Variants in CPD observed in about 807,000 individuals in gnomAD.
The protein encoded by CPD is carboxypeptidase D, also known as metallocarboxypeptidase D.
CPD carries 69 observed loss-of-function variants against 138.3 expected under a neutral mutation model. The ratio of observed to expected loss-of-function variants is 0.50; its 90% confidence interval spans 0.41 to 0.61. The LOEUF (loss-of-function observed/expected upper bound fraction) is 0.61, where lower values mean the gene tolerates loss of function less well. CPD is among the 20% of genes least tolerant of loss of function. CPD has a pLI of 0.00. For synonymous variants in CPD, 651 were observed against 642.1 expected (o/e 1.01, Z -0.21); for missense variants, 1,432 against 1,733.3 (o/e 0.83, Z 3.09).
At chr17:30,452,204 A>T (rs1349190148) in intron 14 of CPD, among the ~76,000 whole-genome samples, 6 of 152,146 alleles carry the variant, frequency 3.9e-5, no homozygotes, top group Non-Finnish European at 8.8e-5. Flanking sequence ...TTATTTACTT[A>T]AATGGGACCT....
chr17:30,452,037 T>G (rs566659999), intron 14 of CPD, among the ~76,000 whole-genome samples, 191 bp downstream of exon 14: 43 of 152,362 alleles, frequency 2.8e-4, no homozygotes, highest in African/African-American at 1.0e-3. Flanking sequence ...CAAAAATAAT[T>G]TAAGTTTTTC....
At chr17:30,443,064 AG>A (rs1912922942) in intron 10 of CPD, among the ~76,000 whole-genome samples, 1 of 152,106 alleles carries the variant, frequency 6.6e-6, no homozygotes, top group Non-Finnish European at 1.5e-5. Flanking sequence ...TATACAGAAA[AG>A]TTATGACTAG....
At chr17:30,431,352 G>A (rs141791992) in intron 7 of CPD, among the ~76,000 whole-genome samples, 1,904 of 152,132 alleles carry the variant, frequency 0.013, 35 homozygotes, top group African/African-American at 0.044. Context: ...TTTAAATACT[G>A]GACACTGGAC....
rs148211517 is a variant in CPD, at chr17:30,423,837, G to C, written c.1849+140G>C. On this transcript the variant is annotated intron_variant, in intron 6 of 20. Transcript: ENST00000225719. ...TAATTTATGATTGATTTTAGCTCTT[G>C]TATTCTTATATGATGATCTGGTCTG... The C allele has an allele frequency of 1.5e-5, 9 of 611,004 alleles. No homozygotes were observed. In the South Asian group the frequency reaches 1.5e-4, roughly 10 times the overall value. 37.8% of individuals were successfully genotyped at this position (611,004 alleles called of 1,614,324 possible).
intron 1 of CPD, 99 bp from the exon 2 acceptor site, chr17:30,384,890 A>G (rs933437253): frequency 3.1e-6 from 4 of 1,310,994 alleles, no homozygotes; most frequent in Non-Finnish European, 4.2e-6. Context: ...TCCAAGAGAG[A>G]TATTGGAGTT....
rs184796687 is a variant in CPD, at chr17:30,459,491, C to A, written c.3499-1689C>A. Among the ~76,000 whole-genome samples, 36 of 151,418 alleles carry A rather than the reference C, an allele frequency of 2.4e-4. No homozygotes were observed. The South Asian group carries it at 7.5e-3, about 32-fold the overall frequency. On this transcript the variant is annotated intron_variant, in intron 17 of 20. Transcript: ENST00000225719. ...TGCGGTGTTTGGTTTTTTGTCCTTGCGATAGTTTGCTGAGAATGATGGTTT... is the reference window on the plus strand; with the variant it reads ...TGCGGTGTTTGGTTTTTTGTCCTTGAGATAGTTTGCTGAGAATGATGGTTT...
Position 30,420,936 on chromosome 17 carries a change from C to T in CPD, c.1090C>T (p.Gln364Ter), listed in dbSNP as rs771613343. ...GTACCCACCTGCTTCACAGCTTCGA[C>T]AGGAATGGGAGAACAATCGTGAGTC... ...CKYPPASQLR[Q>*]EWENNRESLI... The change falls in exon 3 of 21, where the codon CAG becomes TAG. Residue 364 changes from glutamine to a stop codon, truncating the protein, a stop_gained. Transcript: ENST00000225719. LOFTEE classifies it high-confidence loss of function. 6.2e-7 allele frequency: 1 copy of T among 1,613,666 alleles called. No individual in the cohort carries two copies. The highest frequency in any genetic ancestry group is 8.5e-7 in the Non-Finnish European group (1 of 1,179,816).
Position 30,378,932 on chromosome 17 carries a change from G to C in CPD, c.-49G>C, listed in dbSNP as rs1302287505. ...GGATCCGGCGGGCCCCCGCCGCCCG[G>C]AGCGCTGAGCCGCGGGAGCGGAGCC... On this transcript the variant is annotated 5_prime_UTR_variant, in exon 1 of 21. Transcript: ENST00000225719. The C allele has an allele frequency of 7.1e-7, 1 of 1,406,394 alleles. No homozygotes were observed. The highest frequency in any genetic ancestry group is 9.1e-7 in the Non-Finnish European group (1 of 1,093,364). 87.1% of individuals were successfully genotyped at this position (1,406,394 alleles called of 1,614,324 possible). A position where few individuals can be genotyped will look rare whatever the true frequency, so the allele number is the denominator to read the frequency against.
intron 8 of CPD, among the ~76,000 whole-genome samples, chr17:30,435,677 C>CA (rs766604786): frequency 1.9e-4 from 28 of 150,456 alleles, no homozygotes; most frequent in African/African-American, 2.9e-4. Context: ...TTCTTTACTG[C>CA]AAAAAAAAAC....
Position 30,464,884 on chromosome 17 carries a change from C to A in CPD, c.*70C>A. ...TACAGTTCCTCTTGGGAGAACACTG[C>A]ATTAAGAAGAGAGACTCTCTTGCTT... is the stretch of plus-strand genomic sequence containing the variant. On this transcript the variant is annotated 3_prime_UTR_variant, in exon 21 of 21. Coordinates refer to ENST00000225719, the MANE Select transcript of CPD (RefSeq NM_001304.5). 2.5e-6 allele frequency: 3 copies of A among 1,184,350 alleles called. No individual in the cohort carries two copies. Among genetic ancestry groups the A allele is most frequent in the East Asian group, 2.3e-5 (1 of 42,630 alleles). The allele number at this position is 1,184,350 out of a possible 1,614,324, so 73.4% of individuals were successfully genotyped here. A position where few individuals can be genotyped will look rare whatever the true frequency, so the allele number is the denominator to read the frequency against.
chr17:30,393,383 T>C (rs1374214527), intron 2 of CPD, among the ~76,000 whole-genome samples: 2 of 152,240 alleles, frequency 1.3e-5, no homozygotes, highest in Non-Finnish European at 2.9e-5. Context: ...AGAAAGCTTA[T>C]TTTTGAGGAG....
chr17:30,428,832 A>T (rs920208867), intron 7 of CPD, among the ~76,000 whole-genome samples: 12 of 151,928 alleles, frequency 7.9e-5, no homozygotes, highest in African/African-American at 2.7e-4. Context: ...AATATAAACA[A>T]CTTTAAATGG....
chr17:30,379,259 G>A lies in CPD; in HGVS notation c.279G>A (p.Pro93=). The A allele has an allele frequency of 6.6e-7, 1 of 1,515,050 alleles. No homozygotes were observed. Among genetic ancestry groups the A allele is most frequent in the Non-Finnish European group, 8.8e-7 (1 of 1,137,896 alleles). 93.9% of individuals were successfully genotyped at this position (1,515,050 alleles called of 1,614,324 possible). A position where few individuals can be genotyped will look rare whatever the true frequency, so the allele number is the denominator to read the frequency against. Residue 93 remains proline (P), a synonymous_variant, in exon 1 of 21, where the codon CCG becomes CCA. Transcript: ENST00000225719. This position sits in a 1 kb window ranked among gnomAD's most constrained non-coding sequence, Gnocchi z 7.0. ...TCGGCCGCTCGGTGGAAGGCCGGCCGCTGTGGGTGCTTCGCCTCACCGCCG... is the reference window on the plus strand; with the variant it reads ...TCGGCCGCTCGGTGGAAGGCCGGCCACTGTGGGTGCTTCGCCTCACCGCCG... ...FSIGRSVEGR[P]LWVLRLTAGL...
rs1263775463 is a variant in CPD at position 30,464,593 on chromosome 17, A to G, written c.3922A>G (p.Thr1308Ala). 13 of 1,613,444 alleles carry G rather than the reference A, an allele frequency of 8.1e-6. No individual in the cohort carries two copies. Among genetic ancestry groups the G allele is most frequent in the Non-Finnish European group, 1.0e-5 (12 of 1,179,694 alleles). The change falls in exon 21 of 21, where the codon ACT becomes GCT. Residue 1308 changes from threonine to alanine, a missense_variant. By Grantham distance (58) the Thr-to-Ala change is moderately conservative. Coordinates refer to ENST00000225719, the MANE Select transcript of CPD (RefSeq NM_001304.5). The stretch of plus-strand genomic sequence containing the variant: ...TGATGGTTTTTGTTTGTCAGGTGCT[A>G]CTATGTCGGCATTGATCCTAACAGC... ...RELVVTVSGA[T>A]MSALILTACI...
chr17:30,400,367 G>A (rs1911620788), intron 2 of CPD, among the ~76,000 whole-genome samples: 1 of 151,972 alleles, frequency 6.6e-6, no homozygotes, highest in South Asian at 2.1e-4. Context: ...CTTTTATGTT[G>A]TACTTAACTT....
intron 2 of CPD, among the ~76,000 whole-genome samples, chr17:30,402,738 T>C (rs1266407905): frequency 6.6e-6 from 1 of 152,246 alleles, no homozygotes; most frequent in East Asian, 1.9e-4. Flanking sequence ...GAATGTCAAA[T>C]AATTTTGGAT....
chr17:30,413,591 T>A (rs1191954724), intron 2 of CPD, among the ~76,000 whole-genome samples: 1 of 152,232 alleles, frequency 6.6e-6, no homozygotes, highest in East Asian at 1.9e-4. Flanking sequence ...ATTTAACATA[T>A]ATTTATTGAA....
chr17:30,439,486 C>A (rs1292386807), intron 9 of CPD, among the ~76,000 whole-genome samples: 1 of 131,398 alleles, frequency 7.6e-6, no homozygotes, highest in Non-Finnish European at 1.6e-5. Context: ...TATACATGTG[C>A]CATGCTGGTG....
chr17:30,384,105 A>G (rs1033229612), intron 1 of CPD, among the ~76,000 whole-genome samples: 2 of 152,210 alleles, frequency 1.3e-5, no homozygotes, highest in African/African-American at 4.8e-5. Context: ...TAATGGCCCA[A>G]TCAGAAACAT....
Sources: gnomAD v4.1 joint callset for allele counts (sites outside exome capture counted in the v4.1 genomes callset) on GRCh38, gnomAD v4.1.1 for gene constraint, Gnocchi (gnomAD v3.1) non-coding constraint, MANE v1.5 for transcripts, NCBI Gene and HGNC (gene_info 2026-07-23, HGNC 2026-07-21) for gene names.